The following RYR1 variants were observed in gnomAD, a reference collection of about 807,000 sequenced individuals.
The protein encoded by RYR1 is ryanodine receptor 1, also known as central core disease of muscle.
RYR1 carries 342 observed loss-of-function variants against 583.5 expected under a neutral mutation model. The ratio of observed to expected loss-of-function variants is 0.59; its 90% CI spans 0.54 to 0.64. The LOEUF is 0.64. Among genes scored for constraint, RYR1 ranks in the 30% least tolerant of loss-of-function variants. The probability of loss-of-function intolerance (pLI) is 0.00; values close to 1 mark genes in which losing one functional copy is unlikely to be tolerated. For missense variants in RYR1, 6,032 were observed against 6,917.2 expected, an observed-to-expected ratio of 0.87 and a Z score of 4.54; for synonymous variants, 2,791 against 2,822.5, an observed-to-expected ratio of 0.99 and a Z score of 0.35.
chr19:38,464,943 G>A lies in RYR1; in HGVS notation c.2870+221G>A, dbSNP rs2304150. 0.4 allele frequency among the ~76,000 whole-genome samples: 60,211 copies of A among 151,582 alleles called. 12,273 individuals are homozygous for A. The highest frequency in any genetic ancestry group is 0.54 in the South Asian group (2,584 of 4,804). On this transcript the variant is annotated intron_variant, in intron 23 of 105. Transcript: ENST00000359596. The stretch of plus-strand genomic sequence containing the variant: ...AGAGAGAGAGAGAGGGAGGGTATGA[G>A]TCCAGGATCCAGGCTCAGGGTCTGC...
At position 38,461,739 on chromosome 19, in the gene RYR1, AAGAAAGGG is replaced by A. The variant is rs748321307; in HGVS notation, c.2577+1152_2577+1159del. On this transcript the variant is annotated intron_variant, in intron 20 of 105. Coordinates refer to ENST00000359596, the MANE Select transcript of RYR1 (RefSeq NM_000540.3). ...AAACCCTGAAAAAAAAAAAAAAAAA[AAGAAAGGG>A]AGAGAGAGAGAGAAAGAAAGAAAAA... 9.4e-3 allele frequency among the ~76,000 whole-genome samples: 1,321 copies of A among 140,512 alleles called. 18 individuals are homozygous for A. The highest frequency in any genetic ancestry group is 0.015 in the Non-Finnish European group (966 of 64,190). The allele number at this position is 140,512 out of a possible 152,430, so 92.2% of individuals were successfully genotyped here.
intron 67 of RYR1, among the ~76,000 whole-genome samples, chr19:38,521,831 T>A (rs911374077): frequency 6.6e-6 from 1 of 150,822 alleles, no homozygotes; most frequent in African/African-American, 2.4e-5. Flanking sequence ...CTCAGCCTCC[T>A]GAGTAGCTGG....
chr19:38,463,896 G>A, intron 22 of RYR1, 46 bp downstream of exon 22: 1 of 1,409,270 alleles, frequency 7.1e-7, no homozygotes, highest in Non-Finnish European at 1.0e-6. Context: ...TGCTGGTGCG[G>A]TGGGGGAGGG....
chr19:38,504,303 G>A lies in RYR1; in HGVS notation c.8010G>A (p.Glu2670=), dbSNP rs1477576121. ...CCAACTTCGGGGTCACCTCAGAGGA[G>A]GAGCTGCACCTCACACGGAAACTCT... ...GWANFGVTSE[E]ELHLTRKLFW... is the part of the protein sequence containing the mutation. The change falls in exon 50 of 106, where the codon GAG becomes GAA. Residue 2670 remains glutamate (E), a synonymous_variant. Coordinates refer to ENST00000359596, the MANE Select transcript of RYR1 (RefSeq NM_000540.3). The A allele has an allele frequency of 6.2e-7, 1 of 1,614,058 alleles. No homozygotes were observed. Among genetic ancestry groups the A allele is most frequent in the Non-Finnish European group, 8.5e-7 (1 of 1,180,048 alleles).
chr19:38,457,244 C>T (rs1183731816), intron 16 of RYR1, among the ~76,000 whole-genome samples: 1 of 151,936 alleles, frequency 6.6e-6, no homozygotes. Context: ...TCCAGTATCT[C>T]CTTCCTTACA....
At chr19:38,569,320 C>CT (rs935704387) in intron 93 of RYR1, among the ~76,000 whole-genome samples, 517 of 146,274 alleles carry the variant, frequency 3.5e-3, no homozygotes, top group Non-Finnish European at 5.2e-3. Flanking sequence ...TATTTTTAAT[C>CT]TTTTTTTTTT....
rs1600665391 is a variant in RYR1 at position 38,451,946 on chromosome 19, A to G, written c.1244+61A>G. The G allele has an allele frequency of 6.8e-6, 11 of 1,611,604 alleles. No homozygotes were observed. The East Asian group carries it at 2.2e-4, about 33-fold the overall frequency. ...GTGCTGTCCCATGCTCCGGGCATCC[A>G]TACACTTGGCCTCTTTCATCTCTAC... is the stretch of plus-strand genomic sequence containing the variant. On this transcript the variant is annotated intron_variant, in intron 12 of 105. Coordinates refer to ENST00000359596, the MANE Select transcript of RYR1 (RefSeq NM_000540.3).
At chr19:38,460,977 C>T (rs906633076) in intron 20 of RYR1, among the ~76,000 whole-genome samples, 1 of 152,014 alleles carries the variant, frequency 6.6e-6, no homozygotes, top group Non-Finnish European at 1.5e-5. Flanking sequence ...AAGAGTGAAA[C>T]TCCATGTCAA....
intron 31 of RYR1, among the ~76,000 whole-genome samples, chr19:38,481,537 C>A (rs1164267853): frequency 6.6e-6 from 1 of 152,126 alleles, no homozygotes; most frequent in Non-Finnish European, 1.5e-5. Context: ...CCCAACCCCC[C>A]AGAAATGTAT....
chr19:38,443,793 A>G lies in RYR1; in HGVS notation c.421A>G (p.Thr141Ala), dbSNP rs2145336477. 1 of 1,614,094 alleles carries G rather than the reference A, an allele frequency of 6.2e-7. No individual in the cohort carries two copies. The highest frequency in any genetic ancestry group is 8.5e-7 in the Non-Finnish European group (1 of 1,179,976). Residue 141 changes from threonine (T) to alanine (A), a missense_variant, in exon 5 of 106, where the codon ACA becomes GCA. This residue lies in a region of RYR1 where 338 missense variants were observed against 441.6 expected (regional missense o/e 0.77). Transcript: ENST00000359596. ...AFDVGLQEDA[T>A]GEACWWTMHP... ...CGATGTGGGACTGCAGGAGGACGCA[A>G]CAGGTGCAGCAGCTGGAGGGGATGG...
At position 38,485,767 on chromosome 19, in the gene RYR1, C is replaced by T. The variant is rs35352076; in HGVS notation, c.5112C>T (p.Gly1704=). 5.0e-3 allele frequency: 8,096 copies of T among 1,613,146 alleles called. 325 individuals carry two copies. In the African/African-American group the frequency reaches 0.09, roughly 18 times the overall value. The change falls in exon 34 of 106, where the codon GGC becomes GGT. Residue 1704 remains glycine, a synonymous_variant. Coordinates refer to ENST00000359596, the MANE Select transcript of RYR1 (RefSeq NM_000540.3). ...LHALEDAHLP[G]PLRAGYYDLL... Reference sequence around the variant, plus strand: ...CCCTGGAGGACGCGCACCTGCCAGGCCCACTGCGCGCAGGCTACTATGACC... The same window carrying T: ...CCCTGGAGGACGCGCACCTGCCAGGTCCACTGCGCGCAGGCTACTATGACC...
Position 38,492,488 on chromosome 19 carries a change from A to G in RYR1, c.6128-2A>G. 1 of 1,614,076 alleles carries G rather than the reference A, an allele frequency of 6.2e-7. No homozygotes were observed. Among genetic ancestry groups the G allele is most frequent in the South Asian group, 1.1e-5 (1 of 91,090 alleles). On this transcript the variant is annotated splice_acceptor_variant, in intron 37 of 105. Coordinates refer to ENST00000359596, the MANE Select transcript of RYR1 (RefSeq NM_000540.3). LOFTEE classifies it high-confidence loss of function. ...ATTTCCCGCCTTCTTGACCACTTCC[A>G]GGAATTCAGCTAGATGGAGAGGAGG...
At chr19:38,556,464 T>A (rs2945048) in intron 89 of RYR1, among the ~76,000 whole-genome samples, 37,989 of 150,506 alleles carry the variant, frequency 0.25, 5,637 homozygotes, top group African/African-American at 0.4. Context: ...CCTGGGCAAC[T>A]GAGCAAGACT....
chr19:38,477,801 G>T lies in RYR1; in HGVS notation c.4385G>T (p.Ser1462Ile). ...VTPDYHQHDM[S>I]FDLSKVRVVT... ...CCTGACTACCATCAGCACGACATGAGCTTCGACCTCAGCAAGGTCCGGGTC... is the reference window on the plus strand; with the variant it reads ...CCTGACTACCATCAGCACGACATGATCTTCGACCTCAGCAAGGTCCGGGTC... The change falls in exon 30 of 106, where the codon AGC becomes ATC. Residue 1462 changes from serine (S) to isoleucine (I), a missense_variant. Ser to Ile is a moderately radical substitution (Grantham distance 142). Around this residue, in one of 11 missense-constraint regions of RYR1, gnomAD observed 2,627 missense variants for 2,961.3 expected, o/e 0.89. Coordinates refer to ENST00000359596, the MANE Select transcript of RYR1 (RefSeq NM_000540.3). 2 of 1,613,946 alleles carry T rather than the reference G, an allele frequency of 1.2e-6. No individual in the cohort carries two copies. The highest frequency in any genetic ancestry group is 1.7e-6 in the Non-Finnish European group (2 of 1,179,988).
chr19:38,526,815 C>T (rs1383205479), intron 71 of RYR1, 178 bp from the exon 72 acceptor site: 17 of 638,788 alleles, frequency 2.7e-5, no homozygotes, highest in South Asian at 2.6e-4. Context: ...CCTCCGGCCC[C>T]TCTAGGACCC....
chr19:38,449,619 C>G (rs904076810), intron 11 of RYR1, among the ~76,000 whole-genome samples: 1 of 152,208 alleles, frequency 6.6e-6, no homozygotes, highest in African/African-American at 2.4e-5. Flanking sequence ...GCGACCTGTT[C>G]CCTGCCCTCC....
At chr19:38,498,974 G>C (rs1189722524) in intron 42 of RYR1, 134 bp from the exon 43 acceptor site, 1 of 1,168,950 alleles carries the variant, frequency 8.6e-7, no homozygotes, top group Non-Finnish European at 1.2e-6. Context: ...GACAGGACCA[G>C]GGCTAATGGG....
chr19:38,463,501 A>C lies in RYR1; in HGVS notation c.2656A>C (p.Ile886Leu). 1 of 1,613,136 alleles carries C rather than the reference A, an allele frequency of 6.2e-7. No homozygotes were observed. The highest frequency in any genetic ancestry group is 8.5e-7 in the Non-Finnish European group (1 of 1,179,956). ...NIHELWALTR[I>L]EQGWTYGPVR... ...CCACGAGCTCTGGGCGCTAACCCGC[A>C]TCGAGCAGGGCTGGACCTACGGCCC... Residue 886 changes from isoleucine to leucine, a missense_variant, in exon 21 of 106, where the codon ATC (isoleucine) becomes CTC (leucine). This residue lies in a region of RYR1 where 2,627 missense variants were observed against 2,961.3 expected (regional missense o/e 0.89). Coordinates refer to ENST00000359596, the MANE Select transcript of RYR1 (RefSeq NM_000540.3).
At chr19:38,538,258 G>T (rs577641527) in intron 84 of RYR1, among the ~76,000 whole-genome samples, 18 of 152,238 alleles carry the variant, frequency 1.2e-4, no homozygotes, top group African/African-American at 3.6e-4. Flanking sequence ...AAAATAGCAG[G>T]GCGTGGTGGC....
Sources: allele counts gnomAD v4.1 joint callset (sites outside exome capture counted in the v4.1 genomes callset), GRCh38; gene constraint gnomAD v4.1.1; regional missense constraint gnomAD v4.1.1; transcripts MANE v1.5; gene names NCBI Gene and HGNC (gene_info 2026-07-23, HGNC 2026-07-21).